Variants in ST8SIA6 observed in about 807,000 individuals in gnomAD.
The protein encoded by ST8SIA6 is alpha-2,8-sialyltransferase 8F.
In ST8SIA6, 39 loss-of-function variants were observed where a neutral mutation model predicts 33.6. The observed-to-expected ratio is 1.16, with a 90% CI of 0.90 to 1.52. ST8SIA6 has a LOEUF of 1.52. ST8SIA6 is among the 40% of genes most tolerant of loss of function. ST8SIA6 has a pLI of 0.00. For missense variants in ST8SIA6, 441 were observed against 443.8 expected (o/e 0.99, Z 0.06); for synonymous variants, 172 against 167.2 (o/e 1.03, Z -0.22).
intron 2 of ST8SIA6, among the ~76,000 whole-genome samples, chr10:17,392,232 C>T (rs1850642703): frequency 6.6e-6 from 1 of 152,108 alleles, no homozygotes; most frequent in African/African-American, 2.4e-5. Context: ...TATGGTTGAA[C>T]CAGAGTAGGT....
In ST8SIA6 at chr10:17,390,548, GAA is replaced by G; in HGVS notation, c.271_272del (p.Phe91LeufsTer2). The stretch of plus-strand genomic sequence containing the variant: ...GAACTTACCCTTTCGTTTTGTTAGA[GAA>G]AGACTCAATGCCATATTGCAGATTT... ...CKNLQYGIES[F>X]SNKTKGYSEN... On this transcript the variant is annotated frameshift_variant, in exon 3 of 8. Transcript: ENST00000377602. The G allele has an allele frequency of 6.2e-7, 1 of 1,613,682 alleles. No homozygotes were observed. The highest frequency in any genetic ancestry group is 2.2e-5 in the East Asian group (1 of 44,872).
chr10:17,393,226 T>C (rs932611597), intron 2 of ST8SIA6, among the ~76,000 whole-genome samples: 4 of 152,206 alleles, frequency 2.6e-5, no homozygotes, highest in African/African-American at 9.7e-5. Flanking sequence ...GCCTTTGGGC[T>C]TAGACTGAGC....
intron 4 of ST8SIA6, among the ~76,000 whole-genome samples, chr10:17,339,343 T>C (rs2131594939): frequency 6.6e-6 from 1 of 152,294 alleles, no homozygotes; most frequent in East Asian, 1.9e-4. Flanking sequence ...TATTAAACTC[T>C]GAGCCTCCCT....
At chr10:17,357,241 T>C (rs1588833737) in intron 4 of ST8SIA6, among the ~76,000 whole-genome samples, 2 of 151,856 alleles carry the variant, frequency 1.3e-5, no homozygotes, top group East Asian at 3.9e-4. Context: ...TTCTCCTGCC[T>C]CAGCCTCCTG....
chr10:17,400,096 G>C (rs1443572819), intron 2 of ST8SIA6, among the ~76,000 whole-genome samples: 4 of 152,138 alleles, frequency 2.6e-5, no homozygotes, highest in Non-Finnish European at 5.9e-5. Flanking sequence ...GGCAAAGTGA[G>C]GGGCAGGGTG....
intron 2 of ST8SIA6, among the ~76,000 whole-genome samples, chr10:17,404,064 C>CAAAAA (rs964237726): frequency 5.3e-5 from 3 of 56,534 alleles, no homozygotes; most frequent in African/African-American, 6.3e-5. Flanking sequence ...GACACTGTCT[C>CAAAAA]AAAAAAAAAA....
intron 2 of ST8SIA6, among the ~76,000 whole-genome samples, chr10:17,433,703 C>T (rs925610338): frequency 2.6e-5 from 4 of 152,190 alleles, no homozygotes; most frequent in African/African-American, 9.7e-5. Flanking sequence ...TCAGCTCTGC[C>T]TCACTGTAGC....
chr10:17,344,136 C>G (rs1848761762), intron 4 of ST8SIA6, among the ~76,000 whole-genome samples: 1 of 152,160 alleles, frequency 6.6e-6, no homozygotes, highest in Admixed American at 6.5e-5. Flanking sequence ...CCCTATATCC[C>G]TCTAATTATT....
chr10:17,351,282 T>C (rs1489787733), intron 4 of ST8SIA6, among the ~76,000 whole-genome samples: 4 of 151,792 alleles, frequency 2.6e-5, no homozygotes, highest in Non-Finnish European at 5.9e-5. Flanking sequence ...ATTCCAAGAC[T>C]AGATATCCAG....
intron 5 of ST8SIA6, among the ~76,000 whole-genome samples, chr10:17,327,818 A>T (rs956966566): frequency 2.0e-5 from 3 of 151,716 alleles, no homozygotes; most frequent in Non-Finnish European, 4.4e-5. Flanking sequence ...GAGGTAGGGG[A>T]ATCACTTGAA....
At chr10:17,390,809 A>AAAAC (rs1554795667) in intron 2 of ST8SIA6, among the ~76,000 whole-genome samples, 189 bp from the exon 3 acceptor site, 223 of 150,718 alleles carry the variant, frequency 1.5e-3, no homozygotes, top group African/African-American at 4.8e-3. Flanking sequence ...GAAAAAAAAA[A>AAAAC]CAAAAAACTT....
chr10:17,328,654 C>T (rs535182689), intron 5 of ST8SIA6, among the ~76,000 whole-genome samples: 16 of 152,144 alleles, frequency 1.1e-4, no homozygotes, highest in Non-Finnish European at 2.1e-4. Context: ...ATTTTTCCCT[C>T]CTGATCTTGT....
chr10:17,348,681 C>A (rs1223133779), intron 4 of ST8SIA6, among the ~76,000 whole-genome samples: 1 of 152,160 alleles, frequency 6.6e-6, no homozygotes, highest in Non-Finnish European at 1.5e-5. Flanking sequence ...TCCCACGGTT[C>A]GCTGTGGAAT....
At chr10:17,357,970 C>A (rs543450960) in intron 4 of ST8SIA6, among the ~76,000 whole-genome samples, 1 of 152,254 alleles carries the variant, frequency 6.6e-6, no homozygotes, top group East Asian at 1.9e-4. Context: ...TATGATTGTG[C>A]AATTTTCAAT....
intron 5 of ST8SIA6, among the ~76,000 whole-genome samples, chr10:17,330,184 C>T (rs1445833283): frequency 6.6e-6 from 1 of 152,080 alleles, no homozygotes; most frequent in Non-Finnish European, 1.5e-5. Context: ...GATGCAGTTC[C>T]CAGTTACATA....
In ST8SIA6 at chr10:17,348,238, T is replaced by G. The variant is rs1396122274; in HGVS notation, c.377+11276A>C. ...GTAGGAACCTTTTTTTTTTTTTTTT[T>G]GCAGACTTTGGCAACATATTGAGAG... On this transcript the variant is annotated intron_variant, in intron 4 of 7. Transcript: ENST00000377602. Among the ~76,000 whole-genome samples the G allele has an allele frequency of 3.4e-5, 5 of 145,150 alleles. No homozygotes were observed. The East Asian group carries it at 7.9e-4, about 23-fold the overall frequency.
intron 2 of ST8SIA6, among the ~76,000 whole-genome samples, chr10:17,444,039 G>A (rs11254602): frequency 0.37 from 56,890 of 152,056 alleles, 14,216 homozygotes; most frequent in African/African-American, 0.71. Flanking sequence ...CTCTGGTCTC[G>A]TTATTTCCAG....
At chr10:17,431,330 A>G (rs547100360) in intron 2 of ST8SIA6, among the ~76,000 whole-genome samples, 47 of 152,320 alleles carry the variant, frequency 3.1e-4, no homozygotes, top group African/African-American at 9.9e-4. Context: ...TAACATTTAT[A>G]TAAAAGAAAT....
At chr10:17,395,442 G>A (rs1850771469) in intron 2 of ST8SIA6, among the ~76,000 whole-genome samples, 1 of 152,094 alleles carries the variant, frequency 6.6e-6, no homozygotes, top group Non-Finnish European at 1.5e-5. Context: ...AAAAAGAAGA[G>A]GACTCAGTAG....
Sources: gnomAD v4.1 joint callset for allele counts (sites outside exome capture counted in the v4.1 genomes callset) on GRCh38, gnomAD v4.1.1 for gene constraint, MANE v1.5 for transcripts, NCBI Gene and HGNC (gene_info 2026-07-23, HGNC 2026-07-21) for gene names.